Variants in MARK3 observed in about 807,000 individuals in gnomAD.
MARK3 encodes the protein MAP/microtubule affinity-regulating kinase 3.
Under a neutral mutation model 90.1 loss-of-function variants are expected in MARK3, and 46 were observed. The ratio of observed to expected loss-of-function variants is 0.51; its 90% CI spans 0.40 to 0.65. MARK3 has a LOEUF of 0.65. MARK3 is among the 30% of genes least tolerant of loss of function. The pLI is 0.00. For missense variants in MARK3, 818 were observed against 947.2 expected (o/e 0.86, Z 1.79); for synonymous variants, 321 against 332.6 (o/e 0.97, Z 0.38).
chr14:103,433,382 C>T (rs2092639320), intron 3 of MARK3, among the ~76,000 whole-genome samples: 1 of 151,994 alleles, frequency 6.6e-6, no homozygotes, highest in South Asian at 2.1e-4. Flanking sequence ...CCACCGTGCT[C>T]AGCCAGGACA....
At chr14:103,388,164 C>T (rs988486059) in intron 1 of MARK3, among the ~76,000 whole-genome samples, 2 of 152,168 alleles carry the variant, frequency 1.3e-5, no homozygotes, top group Admixed American at 6.5e-5. Context: ...CTCCCGACTT[C>T]AGGTGATCCT....
At chr14:103,501,106 C>T (rs1206627676) in intron 17 of MARK3, among the ~76,000 whole-genome samples, 3 of 152,168 alleles carry the variant, frequency 2.0e-5, no homozygotes, top group South Asian at 2.1e-4. Flanking sequence ...TCTAAAAGCC[C>T]GCTTCTGGTC....
intron 12 of MARK3, among the ~76,000 whole-genome samples, chr14:103,470,580 C>G (rs186971156): frequency 1.1e-3 from 164 of 149,428 alleles, no homozygotes; most frequent in Non-Finnish European, 2.1e-3. Flanking sequence ...CTCAGCCTCC[C>G]GAGTAGCTGG....
chr14:103,435,959 C>CG (rs2092706303), intron 3 of MARK3, among the ~76,000 whole-genome samples: 2 of 151,976 alleles, frequency 1.3e-5, no homozygotes, highest in Admixed American at 1.3e-4. Flanking sequence ...GGTGCCATCT[C>CG]GGCTCACTGC....
chr14:103,461,892 C>T lies in MARK3; in HGVS notation c.484-513C>T, dbSNP rs376906627. 2.1e-3 allele frequency among the ~76,000 whole-genome samples: 325 copies of T among 152,034 alleles called. 10 individuals are homozygous for T. In the South Asian group the frequency reaches 0.054, roughly 25 times the overall value. On this transcript the variant is annotated intron_variant, in intron 6 of 17. Transcript: ENST00000429436. Reference sequence around the variant, plus strand: ...TCTCTACTAAAAATACGAAATTGGCCGGGCATGGTGGTGCACACTTGTAAT... The same window carrying T: ...TCTCTACTAAAAATACGAAATTGGCTGGGCATGGTGGTGCACACTTGTAAT...
chr14:103,412,444 T>C, intron 2 of MARK3: 1 of 552,134 alleles, frequency 1.8e-6, no homozygotes. Context: ...AAGCCAAAAA[T>C]GCATCATACT....
intron 3 of MARK3, among the ~76,000 whole-genome samples, chr14:103,436,373 T>C (rs2092715929): frequency 6.6e-6 from 1 of 152,028 alleles, no homozygotes; most frequent in East Asian, 1.9e-4. Flanking sequence ...GAAATCCTTT[T>C]CATTGAACAA....
intron 13 of MARK3, 88 bp downstream of exon 13, chr14:103,475,298 C>T: frequency 9.2e-7 from 1 of 1,085,822 alleles, no homozygotes; most frequent in East Asian, 2.4e-5. Flanking sequence ...CCTGTGGTCT[C>T]TCGTACTGGA....
At chr14:103,481,830 G>T (rs2093828622) in intron 14 of MARK3, among the ~76,000 whole-genome samples, 1 of 116,662 alleles carries the variant, frequency 8.6e-6, no homozygotes, top group Admixed American at 1.3e-4. Context: ...GCAGTGGCCT[G>T]ATCTCGGCTC....
At chr14:103,473,810 C>T (rs1203562921) in intron 12 of MARK3, among the ~76,000 whole-genome samples, 1 of 152,032 alleles carries the variant, frequency 6.6e-6, no homozygotes, top group Non-Finnish European at 1.5e-5. Flanking sequence ...AGCCATCCTC[C>T]CACCTCAGTC....
At chr14:103,496,487 A>G (rs1351512552) in intron 15 of MARK3, among the ~76,000 whole-genome samples, 2 of 151,376 alleles carry the variant, frequency 1.3e-5, no homozygotes, top group Non-Finnish European at 2.9e-5. Flanking sequence ...ATCTTGGTTC[A>G]CTGCAGTGTC....
intron 13 of MARK3, among the ~76,000 whole-genome samples, chr14:103,479,101 A>G (rs2093771751): frequency 1.3e-5 from 2 of 152,074 alleles, no homozygotes; most frequent in Non-Finnish European, 1.5e-5. Context: ...GCTCATTGCA[A>G]CTTCGACCTC....
chr14:103,435,295 G>T (rs930809568), intron 3 of MARK3, among the ~76,000 whole-genome samples: 2 of 152,148 alleles, frequency 1.3e-5, no homozygotes, highest in African/African-American at 2.4e-5. Context: ...ATCTTGGCGG[G>T]TCTAGAAATG....
chr14:103,455,942 A>T (rs894957753), intron 5 of MARK3, among the ~76,000 whole-genome samples: 1 of 152,176 alleles, frequency 6.6e-6, no homozygotes, highest in African/African-American at 2.4e-5. Context: ...TGAAGTAAAG[A>T]TGTTTCCTGA....
chr14:103,402,767 G>T (rs556525432), intron 1 of MARK3, among the ~76,000 whole-genome samples: 1 of 152,304 alleles, frequency 6.6e-6, no homozygotes, highest in South Asian at 2.1e-4. Flanking sequence ...TCTTCAGTAT[G>T]TATGAAGAAC....
chr14:103,452,595 C>T (rs1231974311), intron 5 of MARK3, among the ~76,000 whole-genome samples: 1 of 150,132 alleles, frequency 6.7e-6, no homozygotes, highest in Non-Finnish European at 1.5e-5. Flanking sequence ...CCTCAGCCTC[C>T]CGAGTAGCTG....
intron 13 of MARK3, 49 bp downstream of exon 13, chr14:103,475,259 C>G: frequency 6.7e-7 from 1 of 1,499,500 alleles, no homozygotes; most frequent in Non-Finnish European, 9.3e-7. Flanking sequence ...AGGGTTGGAA[C>G]CAGCTAGACA....
In MARK3 at chr14:103,385,674, C is replaced by T. The variant is rs2089731261; in HGVS notation, c.-356C>T. On this transcript the variant is annotated 5_prime_UTR_variant, in exon 1 of 18. Coordinates refer to ENST00000429436, the MANE Select transcript of MARK3 (RefSeq NM_001128918.3). ...GGCCCGCGAGCTGAAATTCGCGGTG[C>T]GACGGGAGGGAGTGGAGAAGGAGGT... 2 of 205,862 alleles carry T rather than the reference C, an allele frequency of 9.7e-6. No homozygotes were observed. Among genetic ancestry groups the T allele is most frequent in the Admixed American group, 6.0e-5 (1 of 16,668 alleles). The allele number at this position is 205,862 out of a possible 1,614,324, so 12.8% of individuals were successfully genotyped here.
intron 3 of MARK3, among the ~76,000 whole-genome samples, chr14:103,443,299 C>T (rs2092909414): frequency 6.6e-6 from 1 of 152,200 alleles, no homozygotes; most frequent in Non-Finnish European, 1.5e-5. Flanking sequence ...CTCTGTTCAG[C>T]TGTTCCAGAA....
Sources: allele counts gnomAD v4.1 joint callset (sites outside exome capture counted in the v4.1 genomes callset), GRCh38; gene constraint gnomAD v4.1.1; transcripts MANE v1.5; gene names NCBI Gene and HGNC (gene_info 2026-07-23, HGNC 2026-07-21).